The following RAB3GAP2 variants were observed in gnomAD, a reference collection of about 807,000 sequenced individuals.
RAB3GAP2 encodes the protein rab3 GTPase-activating protein non-catalytic subunit.
In RAB3GAP2, 87 loss-of-function variants were observed where a neutral mutation model predicts 185.3. The observed-to-expected ratio is 0.47, with a 90% CI of 0.39 to 0.56. The LOEUF (loss-of-function observed/expected upper bound fraction) is 0.56. RAB3GAP2 is among the 20% of genes least tolerant of loss of function. RAB3GAP2 has a pLI of 0.00. For synonymous variants in RAB3GAP2, 554 were observed against 576.1 expected (o/e 0.96, Z 0.55); for missense variants, 1,492 against 1,638.2 (o/e 0.91, Z 1.54).
intron 8 of RAB3GAP2, among the ~76,000 whole-genome samples, chr1:220,204,001 G>C (rs1658910715): frequency 6.6e-6 from 1 of 152,080 alleles, no homozygotes; most frequent in Non-Finnish European, 1.5e-5. Flanking sequence ...TATGAGTAGT[G>C]GCGCTGACTT....
At chr1:220,232,973 A>C in intron 1 of RAB3GAP2, 110 bp from the exon 2 acceptor site, 1 of 863,066 alleles carries the variant, frequency 1.2e-6, no homozygotes, top group Non-Finnish European at 1.9e-6. Flanking sequence ...GCTGATATTA[A>C]GAAAGAAAAT....
At chr1:220,211,255 A>T (rs1156250533) in intron 4 of RAB3GAP2, 5 of 631,446 alleles carry the variant, frequency 7.9e-6, no homozygotes, top group Non-Finnish European at 1.5e-5. Flanking sequence ...GTCATGAAAA[A>T]CATGAAAGTA....
chr1:220,267,092 C>T, intron 1 of RAB3GAP2: 2 of 1,564,162 alleles, frequency 1.3e-6, no homozygotes, highest in Non-Finnish European at 1.8e-6. Flanking sequence ...TCTGACCACC[C>T]AAAATTTGCA....
At chr1:220,268,333 G>C (rs1217178014) in intron 1 of RAB3GAP2, among the ~76,000 whole-genome samples, 1 of 152,158 alleles carries the variant, frequency 6.6e-6, no homozygotes, top group Non-Finnish European at 1.5e-5. Flanking sequence ...CTATAGTTGG[G>C]CAAAATCTTC....
intron 1 of RAB3GAP2, chr1:220,253,563 C>T (rs1225899888): frequency 1.3e-6 from 2 of 1,587,492 alleles, no homozygotes; most frequent in Non-Finnish European, 1.7e-6. Flanking sequence ...CGGCAAATCA[C>T]TTATAAATGG....
Position 220,205,849 on chromosome 1 carries a change from G to A in RAB3GAP2, c.712+58C>T, listed in dbSNP as rs1658953366. The stretch of plus-strand genomic sequence containing the variant: ...AAGACATACTTAATTCCATAAGCAG[G>A]TGAAATTAAATAAAACAAACATTAA... On this transcript the variant is annotated intron_variant, in intron 8 of 34. Transcript: ENST00000358951. 3 of 1,236,716 alleles carry A rather than the reference G, an allele frequency of 2.4e-6. No homozygotes were observed. In the Admixed American group the frequency reaches 5.4e-5, roughly 22 times the overall value. 76.6% of individuals were successfully genotyped at this position (1,236,716 alleles called of 1,614,324 possible).
chr1:220,163,714 A>G (rs1022209916), intron 27 of RAB3GAP2, among the ~76,000 whole-genome samples: 4 of 141,132 alleles, frequency 2.8e-5, no homozygotes, highest in Non-Finnish European at 6.0e-5. Flanking sequence ...ATATTTTCTA[A>G]ATCAGTCAAG....
Position 220,157,377 on chromosome 1 carries a change from T to C in RAB3GAP2, c.3448A>G (p.Ile1150Val), listed in dbSNP as rs1370753605. 1.9e-6 allele frequency: 3 copies of C among 1,613,862 alleles called. No homozygotes were observed. Among genetic ancestry groups the C allele is most frequent in the Non-Finnish European group, 2.5e-6 (3 of 1,179,998 alleles). ...IVELALEQKH[I>V]HYPLVEHHSI... Reference sequence around the variant, plus strand: ...TGGTGCTCCACCAGTGGGTAGTGGATGTGCTTCTGTTCAAGGGCCAGTTCC... The same window carrying C: ...TGGTGCTCCACCAGTGGGTAGTGGACGTGCTTCTGTTCAAGGGCCAGTTCC... The change falls in exon 31 of 35, where the codon ATC becomes GTC. Residue 1150 changes from isoleucine (I) to valine (V), a missense_variant. This residue lies in a region of RAB3GAP2 where 387 missense variants were observed against 455.3 expected (regional missense o/e 0.85). Coordinates refer to ENST00000358951, the MANE Select transcript of RAB3GAP2 (RefSeq NM_012414.4).
intron 12 of RAB3GAP2, among the ~76,000 whole-genome samples, chr1:220,194,302 TAC>T (rs1455103781): frequency 6.7e-6 from 1 of 149,970 alleles, no homozygotes; most frequent in Non-Finnish European, 1.5e-5. Context: ...CTCACCAATA[TAC>T]TAACACATTC....
At chr1:220,203,316 T>C (rs1168197094) in intron 8 of RAB3GAP2, among the ~76,000 whole-genome samples, 4 of 152,196 alleles carry the variant, frequency 2.6e-5, no homozygotes, top group Non-Finnish European at 5.9e-5. Flanking sequence ...CCATGCTACA[T>C]ATTAGAATAT....
At chr1:220,272,085 G>A (rs573675137) in intron 1 of RAB3GAP2, 138 bp downstream of exon 1, 2 of 758,334 alleles carry the variant, frequency 2.6e-6, no homozygotes, top group East Asian at 2.7e-5. Flanking sequence ...TGTCATCCCG[G>A]AGCGGAGGGG....
chr1:220,155,443 GAAGTATT>G (rs1259972355), intron 31 of RAB3GAP2, among the ~76,000 whole-genome samples: 1 of 152,224 alleles, frequency 6.6e-6, no homozygotes, highest in African/African-American at 2.4e-5. Flanking sequence ...ATCACTGAGA[GAAGTATT>G]TAAAGATTTA....
chr1:220,181,287 A>AATTTTATATTACACC (rs1658400008), intron 21 of RAB3GAP2, among the ~76,000 whole-genome samples: 1 of 152,064 alleles, frequency 6.6e-6, no homozygotes, highest in African/African-American at 2.4e-5. Context: ...ATGCCTGGCT[A>AATTTTATATTACACC]ATTTTTTATT....
chr1:220,244,234 A>G (rs1045873782), intron 1 of RAB3GAP2, among the ~76,000 whole-genome samples: 6 of 152,216 alleles, frequency 3.9e-5, no homozygotes, highest in Non-Finnish European at 8.8e-5. Flanking sequence ...CAATGTACAC[A>G]AATCAGTAGC....
At chr1:220,228,360 T>C (rs180845539) in intron 2 of RAB3GAP2, among the ~76,000 whole-genome samples, 1 of 152,340 alleles carries the variant, frequency 6.6e-6, no homozygotes, top group African/African-American at 2.4e-5. Context: ...TAGATGGTAG[T>C]AGAAATAAGA....
intron 19 of RAB3GAP2, among the ~76,000 whole-genome samples, chr1:220,183,505 A>C (rs1368834884): frequency 6.6e-6 from 1 of 152,046 alleles, no homozygotes; most frequent in Non-Finnish European, 1.5e-5. Context: ...CTCGCACCTC[A>C]GCTTCCCAAA....
intron 2 of RAB3GAP2, among the ~76,000 whole-genome samples, chr1:220,227,726 G>T (rs931606125): frequency 6.6e-6 from 1 of 152,160 alleles, no homozygotes; most frequent in Admixed American, 6.5e-5. Flanking sequence ...GGCAACTGGT[G>T]GAGAATCCTA....
intron 1 of RAB3GAP2, among the ~76,000 whole-genome samples, chr1:220,257,821 T>C (rs1660059221): frequency 1.3e-5 from 2 of 151,720 alleles, no homozygotes; most frequent in Admixed American, 6.6e-5. Context: ...ATAAAATAGA[T>C]AGAACTCTAG....
In RAB3GAP2 at chr1:220,182,256, CCAA is replaced by C; in HGVS notation, c.2308_2310del (p.Leu770del). ...GCATCCAGCAACCAAAAAAACCTTA[CCAA>C]CAACAGCTGAGGGCTAAGACCAGCC... On this transcript the variant is annotated inframe_deletion and splice_region_variant, in exon 21 of 35. Transcript: ENST00000358951. 1 of 1,613,896 alleles carries C rather than the reference CCAA, an allele frequency of 6.2e-7. No homozygotes were observed. Among genetic ancestry groups the C allele is most frequent in the African/African-American group, 1.3e-5 (1 of 74,994 alleles).
Sources: allele counts gnomAD v4.1 joint callset (sites outside exome capture counted in the v4.1 genomes callset), GRCh38; gene constraint gnomAD v4.1.1; regional missense constraint gnomAD v4.1.1; transcripts MANE v1.5; gene names NCBI Gene and HGNC (gene_info 2026-07-23, HGNC 2026-07-21).